MVB12B: variants seen among roughly 807,000 people sequenced by gnomAD.
MVB12B encodes the protein multivesicular body subunit 12B, also known as ESCRT-I complex subunit MVB12B.
Under a neutral mutation model 41.6 loss-of-function variants are expected in MVB12B, and 16 were observed. That is an observed-to-expected ratio of 0.38 (90% CI 0.26 to 0.58). MVB12B has a LOEUF of 0.58. Among genes scored for constraint, MVB12B ranks in the 20% least tolerant of loss-of-function variants. The pLI is 0.62. For missense variants in MVB12B, 274 were observed against 380.2 expected (o/e 0.72, Z 2.32); for synonymous variants, 133 against 139.7 (o/e 0.95, Z 0.34).
At chr9:126,472,822 C>T (rs998742832) in intron 7 of MVB12B, among the ~76,000 whole-genome samples, 1 of 152,128 alleles carries the variant, frequency 6.6e-6, no homozygotes, top group African/African-American at 2.4e-5. Flanking sequence ...TACAGGCCTG[C>T]TTAATTACAG....
Position 126,503,610 on chromosome 9 carries a change from C to T in MVB12B, c.*347C>T, listed in dbSNP as rs41274416. 1.4e-3 allele frequency: 478 copies of T among 335,476 alleles called. 2 individuals are homozygous for T. The highest frequency in any genetic ancestry group is 2.1e-3 in the South Asian group (52 of 24,800). 20.8% of individuals were successfully genotyped at this position (335,476 alleles called of 1,614,324 possible). On this transcript the variant is annotated 3_prime_UTR_variant, in exon 10 of 10. Transcript: ENST00000361171. ...GGCAGTTGCCCTGGCCGCCCAGTGA[C>T]GCCCACCGGCTCCCTCCGCTCCCTC...
chr9:126,492,845 TAAAACAA>T (rs1423577238), intron 9 of MVB12B, among the ~76,000 whole-genome samples: 1 of 152,158 alleles, frequency 6.6e-6, no homozygotes, highest in Non-Finnish European at 1.5e-5. Context: ...CCCTGTCTCT[TAAAACAA>T]AAAACAATTT....
chr9:126,353,276 A>G (rs1486766317), intron 2 of MVB12B, among the ~76,000 whole-genome samples: 1 of 152,234 alleles, frequency 6.6e-6, no homozygotes, highest in African/African-American at 2.4e-5. Context: ...TAGTGCAAGT[A>G]TTATACTGTA....
chr9:126,451,998 C>T (rs893725201), intron 7 of MVB12B, among the ~76,000 whole-genome samples: 4 of 152,184 alleles, frequency 2.6e-5, no homozygotes, highest in Non-Finnish European at 4.4e-5. Context: ...TCCTTAGCCC[C>T]GCTCACCAGT....
intron 4 of MVB12B, among the ~76,000 whole-genome samples, chr9:126,390,886 A>T (rs1401771041): frequency 6.9e-6 from 1 of 145,266 alleles, no homozygotes; most frequent in Non-Finnish European, 1.5e-5. Context: ...CCGGAGGTGG[A>T]GGTTGCAGTG....
At chr9:126,428,485 T>C (rs1012895609) in intron 7 of MVB12B, among the ~76,000 whole-genome samples, 2 of 152,194 alleles carry the variant, frequency 1.3e-5, no homozygotes, top group Non-Finnish European at 1.5e-5. Context: ...GATTACATGA[T>C]TTCTGTCTCT....
intron 6 of MVB12B, among the ~76,000 whole-genome samples, chr9:126,412,156 A>G (rs905160629): frequency 3.3e-5 from 5 of 152,338 alleles, no homozygotes; most frequent in Middle Eastern, 6.8e-3. Context: ...CAGCAGGTGC[A>G]GCAAAGGTCC....
At chr9:126,355,922 C>A (rs1402359881) in intron 2 of MVB12B, among the ~76,000 whole-genome samples, 1 of 152,116 alleles carries the variant, frequency 6.6e-6, no homozygotes, top group South Asian at 2.1e-4. Context: ...AAATCCTGTA[C>A]CCATTAAAAG....
At chr9:126,463,060 C>T (rs10123808) in intron 7 of MVB12B, among the ~76,000 whole-genome samples, 97,906 of 152,042 alleles carry the variant, frequency 0.64, 31,926 homozygotes, top group East Asian at 0.92. Context: ...CTGCACCTTC[C>T]GCCTCATCTC....
chr9:126,392,114 G>A lies in MVB12B; in HGVS notation c.458G>A (p.Arg153Gln), dbSNP rs1046059. The change falls in exon 5 of 10, where the codon CGG becomes CAG. Residue 153 changes from arginine to glutamine, a missense_variant. Arg to Gln is a conservative substitution (Grantham distance 43, BLOSUM62 1). Transcript: ENST00000361171. This position sits in a 1 kb window ranked among gnomAD's most constrained non-coding sequence, Gnocchi z 4.8. ...AGGCTGTGCATTAAATTTATTCCACGGGATTCAACGGAAGCTGCGATTTGT... is the reference window on the plus strand; with the variant it reads ...AGGCTGTGCATTAAATTTATTCCACAGGATTCAACGGAAGCTGCGATTTGT... ...KKRLCIKFIP[R>Q]DSTEAAICDI... 3 of 1,614,188 alleles carry A rather than the reference G, an allele frequency of 1.9e-6. No individual in the cohort carries two copies. The highest frequency in any genetic ancestry group is 1.7e-5 in the Admixed American group (1 of 60,034).
intron 9 of MVB12B, among the ~76,000 whole-genome samples, chr9:126,488,365 A>G (rs1445712718): frequency 1.1e-5 from 1 of 93,220 alleles, no homozygotes; most frequent in Non-Finnish European, 2.4e-5. Flanking sequence ...AAAAAAAAAA[A>G]TAGAGTAAAT....
intron 6 of MVB12B, chr9:126,407,980 C>T (rs1299726102): frequency 6.6e-6 from 1 of 152,192 alleles, no homozygotes; most frequent in African/African-American, 2.4e-5. Context: ...ACCCCCAAAC[C>T]TTCCGATGGG....
chr9:126,471,186 A>G (rs549079696), intron 7 of MVB12B, among the ~76,000 whole-genome samples: 1 of 152,322 alleles, frequency 6.6e-6, no homozygotes, highest in South Asian at 2.1e-4. Flanking sequence ...CCATTTTCTC[A>G]GTGGCTGCTG....
At chr9:126,466,626 G>T (rs1489428704) in intron 7 of MVB12B, among the ~76,000 whole-genome samples, 1 of 152,120 alleles carries the variant, frequency 6.6e-6, no homozygotes, top group East Asian at 1.9e-4. Flanking sequence ...CAGGTGCCAG[G>T]AGTTGTTAAG....
In MVB12B at chr9:126,473,159, A is replaced by G. The variant is rs1252661804; in HGVS notation, c.758-8210A>G. On this transcript the variant is annotated intron_variant, in intron 7 of 9. Coordinates refer to ENST00000361171, the MANE Select transcript of MVB12B (RefSeq NM_033446.3). The surrounding 1 kb of genome is among the most constrained non-coding windows in gnomAD (Gnocchi z 4.0). ...CACCACAGCCCGCAGAGGCAGCTGT[A>G]GTATTATGCCCACCTTACAGACAGG... 6.6e-6 allele frequency among the ~76,000 whole-genome samples: 1 copy of G among 152,118 alleles called. No individual in the cohort carries two copies.
intron 9 of MVB12B, among the ~76,000 whole-genome samples, chr9:126,491,536 T>C (rs934909525): frequency 5.3e-5 from 8 of 152,206 alleles, no homozygotes; most frequent in Non-Finnish European, 4.4e-5. Context: ...TTTCTCTGCC[T>C]ATGAGATTCA....
chr9:126,458,123 C>T (rs1025741800), intron 7 of MVB12B, among the ~76,000 whole-genome samples: 7 of 152,148 alleles, frequency 4.6e-5, no homozygotes, highest in African/African-American at 1.7e-4. Context: ...TCTGCTCAAA[C>T]GGTTTTTCCA....
At chr9:126,327,157 C>T in intron 1 of MVB12B, 147 bp downstream of exon 1, 1 of 720,682 alleles carries the variant, frequency 1.4e-6, no homozygotes, top group Non-Finnish European at 1.7e-6. Flanking sequence ...CGTGCCCGGC[C>T]CGCGGCGGGG....
intron 9 of MVB12B, among the ~76,000 whole-genome samples, chr9:126,499,430 A>G (rs889495610): frequency 6.6e-6 from 1 of 152,156 alleles, no homozygotes; most frequent in African/African-American, 2.4e-5. Flanking sequence ...TTTAATTGAA[A>G]ATTTTTTTAA....
Sources: allele counts gnomAD v4.1 joint callset (sites outside exome capture counted in the v4.1 genomes callset), GRCh38; gene constraint gnomAD v4.1.1; non-coding constraint Gnocchi (gnomAD v3.1); transcripts MANE v1.5; gene names NCBI Gene and HGNC (gene_info 2026-07-23, HGNC 2026-07-21).